SPAG16: variants seen among roughly 807,000 people sequenced by gnomAD.
SPAG16 encodes the protein sperm associated antigen 16, also known as sperm-associated antigen 16 protein.
Under a neutral mutation model 80.4 loss-of-function variants are expected in SPAG16, and 86 were observed. The ratio of observed to expected loss-of-function variants is 1.07; its 90% CI spans 0.90 to 1.28. The LOEUF (loss-of-function observed/expected upper bound fraction) is 1.28, where lower values mean the gene tolerates loss of function less well. SPAG16 is among the 50% of genes most tolerant of loss of function. SPAG16 has a pLI of 0.00. For missense variants in SPAG16, 870 were observed against 765.3 expected (o/e 1.14, Z -1.61); for synonymous variants, 294 against 265.9 (o/e 1.11, Z -1.03).
chr2:214,259,460 C>A (rs1448863930), intron 15 of SPAG16, among the ~76,000 whole-genome samples: 1 of 142,880 alleles, frequency 7.0e-6, no homozygotes, highest in Admixed American at 7.4e-5. Flanking sequence ...AATGCGTACA[C>A]ACACACGTAT....
At chr2:213,912,377 T>C (rs1265924223) in intron 11 of SPAG16, among the ~76,000 whole-genome samples, 1 of 152,190 alleles carries the variant, frequency 6.6e-6, no homozygotes, top group East Asian at 1.9e-4. Flanking sequence ...ATATTTGCTA[T>C]ATAAGAGAGA....
At chr2:213,686,687 T>C (rs1445451022) in intron 10 of SPAG16, among the ~76,000 whole-genome samples, 5,570 of 129,780 alleles carry the variant, frequency 0.043, 415 homozygotes, top group African/African-American at 0.15. Context: ...TTTTTTTTTT[T>C]TTTTTTTTTT....
chr2:213,825,164 C>A (rs1199884215), intron 10 of SPAG16, among the ~76,000 whole-genome samples: 1 of 152,052 alleles, frequency 6.6e-6, no homozygotes, highest in Non-Finnish European at 1.5e-5. Flanking sequence ...ATTATATTAT[C>A]TGCAAACAAG....
chr2:213,382,203 G>C (rs773579330), intron 9 of SPAG16, among the ~76,000 whole-genome samples: 3 of 152,156 alleles, frequency 2.0e-5, no homozygotes, highest in Non-Finnish European at 4.4e-5. Context: ...ATGTTCTCTA[G>C]CACAATTTAA....
At chr2:214,090,649 T>C (rs1468544670) in intron 13 of SPAG16, among the ~76,000 whole-genome samples, 1 of 152,042 alleles carries the variant, frequency 6.6e-6, no homozygotes, top group Admixed American at 6.6e-5. Context: ...ACTTTATTCC[T>C]TCTTCTTCAG....
intron 14 of SPAG16, among the ~76,000 whole-genome samples, chr2:214,139,036 A>G (rs1202432176): frequency 1.3e-5 from 2 of 152,290 alleles, no homozygotes; most frequent in East Asian, 1.9e-4. Context: ...TCACTCAACT[A>G]TAGTCCTAGG....
intron 15 of SPAG16, among the ~76,000 whole-genome samples, chr2:214,208,656 G>T (rs764424957): frequency 6.6e-6 from 1 of 152,054 alleles, no homozygotes; most frequent in Non-Finnish European, 1.5e-5. Flanking sequence ...TATGCCTGAG[G>T]TTGCAATTTT....
chr2:213,919,662 G>C (rs2078120991), intron 11 of SPAG16, among the ~76,000 whole-genome samples: 1 of 152,158 alleles, frequency 6.6e-6, no homozygotes, highest in Admixed American at 6.5e-5. Flanking sequence ...GAGAGTAGTT[G>C]ATATGATTAT....
chr2:214,143,234 G>GTTTTTTTTTTT (rs59910884), intron 14 of SPAG16, among the ~76,000 whole-genome samples: 2 of 112,670 alleles, frequency 1.8e-5, no homozygotes, highest in Non-Finnish European at 3.6e-5. Context: ...ATAGTTTTGG[G>GTTTTTTTTTTT]TTTTTTTTTT....
chr2:214,207,363 ATTACATCTTCCACCAAT>A (rs2058173064), intron 15 of SPAG16, among the ~76,000 whole-genome samples: 1 of 152,106 alleles, frequency 6.6e-6, no homozygotes, highest in African/African-American at 2.4e-5. Flanking sequence ...TCCTCATCAT[ATTACATCTTCCACCAAT>A]AAAATTGATA....
intron 15 of SPAG16, among the ~76,000 whole-genome samples, chr2:214,370,067 T>C (rs1301044533): frequency 6.6e-6 from 1 of 152,134 alleles, no homozygotes; most frequent in Non-Finnish European, 1.5e-5. Flanking sequence ...TTTCCCACAA[T>C]ATTGCCCAGA....
chr2:213,435,982 T>G (rs1391651081), intron 9 of SPAG16, among the ~76,000 whole-genome samples: 3 of 152,220 alleles, frequency 2.0e-5, no homozygotes, highest in Non-Finnish European at 4.4e-5. Flanking sequence ...ATATTCCTTT[T>G]ATTCTTCATA....
chr2:214,359,068 GTTA>G (rs1444423507), intron 15 of SPAG16, among the ~76,000 whole-genome samples: 1 of 151,732 alleles, frequency 6.6e-6, no homozygotes, highest in Non-Finnish European at 1.5e-5. Flanking sequence ...CTATGTATGA[GTTA>G]TTTTTATTAT....
chr2:214,046,306 A>C (rs76783093), intron 13 of SPAG16, among the ~76,000 whole-genome samples: 1 of 152,178 alleles, frequency 6.6e-6, no homozygotes, highest in African/African-American at 2.4e-5. Context: ...TACTCAAACT[A>C]TTTCCAAAAA....
intron 5 of SPAG16, among the ~76,000 whole-genome samples, chr2:213,327,318 T>G (rs184244561): frequency 6.6e-6 from 1 of 152,180 alleles, no homozygotes; most frequent in Admixed American, 6.5e-5. Flanking sequence ...AGGAAGGTCA[T>G]AATAGGAGAA....
chr2:213,347,913 G>A lies in SPAG16; in HGVS notation c.645-2615G>A, dbSNP rs1038641743. 2.8e-3 allele frequency among the ~76,000 whole-genome samples: 433 copies of A among 152,034 alleles called. 2 individuals are homozygous for A. The highest frequency in any genetic ancestry group is 3.8e-3 in the Non-Finnish European group (256 of 67,948). ...GATGTCTATTAGGTCTGCTTGGTGT[G>A]GAGCTGAGTTCAATTCCTGGATATC... On this transcript the variant is annotated intron_variant, in intron 6 of 15. Coordinates refer to ENST00000331683, the MANE Select transcript of SPAG16 (RefSeq NM_024532.5).
chr2:214,269,936 T>C (rs1161237095), intron 15 of SPAG16, among the ~76,000 whole-genome samples: 1 of 148,390 alleles, frequency 6.7e-6, no homozygotes, highest in Non-Finnish European at 1.5e-5. Context: ...TATTTCCTGA[T>C]CGAGATCTTA....
At chr2:213,853,979 G>A (rs1381168432) in intron 10 of SPAG16, among the ~76,000 whole-genome samples, 2 of 152,140 alleles carry the variant, frequency 1.3e-5, no homozygotes, top group African/African-American at 4.8e-5. Context: ...TGTGCTAGTT[G>A]CATATGTGCA....
At chr2:214,067,022 C>A (rs968855194) in intron 13 of SPAG16, among the ~76,000 whole-genome samples, 2 of 152,132 alleles carry the variant, frequency 1.3e-5, no homozygotes, top group Non-Finnish European at 2.9e-5. Context: ...ACACCAGGAG[C>A]GCTGGGCACA....
Sources: allele counts gnomAD v4.1 joint callset (sites outside exome capture counted in the v4.1 genomes callset), GRCh38; gene constraint gnomAD v4.1.1; transcripts MANE v1.5; gene names NCBI Gene and HGNC (gene_info 2026-07-23, HGNC 2026-07-21).